TENM2: variants seen among roughly 807,000 people sequenced by gnomAD.
The protein encoded by TENM2 is teneurin transmembrane protein 2, also known as teneurin-2.
Under a neutral mutation model 245.2 loss-of-function variants are expected in TENM2, and 52 were observed. The ratio of observed to expected loss-of-function variants is 0.21; its 90% confidence interval spans 0.17 to 0.27. The LOEUF is 0.27. Among genes scored for constraint, TENM2 ranks in the 10% least tolerant of loss-of-function variants. TENM2 has a pLI of 1.00. For synonymous variants in TENM2, 1,363 were observed against 1,438.9 expected (o/e 0.95, Z 1.19); for missense variants, 3,046 against 3,666.8 (o/e 0.83, Z 4.37).
At chr5:167,243,139 A>C in the TENM2 span, among the ~76,000 whole-genome samples, 1 of 152,172 alleles carries the variant, frequency 6.6e-6, no homozygotes, top group African/African-American at 2.4e-5. Context: ...ATTCTTAAAG[A>C]GAATGAGGCA....
At position 167,924,362 on chromosome 5, in the gene TENM2, A is replaced by G. The variant is rs546905681; in HGVS notation, c.713-28226A>G. On this transcript the variant is annotated intron_variant, in intron 3 of 28. Coordinates refer to ENST00000518659, the Ensembl canonical transcript of TENM2. ...TGCCAGGAACCATTCAGGCGAGTCA[A>G]TAGGATGCCCATTGATGGGCCAAAC... is the stretch of plus-strand genomic sequence containing the variant. 3.3e-5 allele frequency among the ~76,000 whole-genome samples: 5 copies of G among 152,344 alleles called. No individual in the cohort carries two copies. The East Asian group carries it at 5.8e-4, about 18-fold the overall frequency.
chr5:167,339,603 ATT>A (rs144229621), intron 1 of TENM2, among the ~76,000 whole-genome samples: 2 of 145,336 alleles, frequency 1.4e-5, no homozygotes, highest in Admixed American at 6.9e-5. Flanking sequence ...TTTTCAATTC[ATT>A]TTTTTTTTTA....
At chr5:168,120,320 G>T (rs1795382357) in intron 10 of TENM2, among the ~76,000 whole-genome samples, 1 of 152,176 alleles carries the variant, frequency 6.6e-6, no homozygotes, top group African/African-American at 2.4e-5. Context: ...AGGAAATACT[G>T]ATTTAATAAC....
chr5:168,010,376 G>T (rs1047830052), intron 5 of TENM2, among the ~76,000 whole-genome samples: 1 of 152,170 alleles, frequency 6.6e-6, no homozygotes, highest in Non-Finnish European at 1.5e-5. Context: ...AAGTGAACAG[G>T]CTCTTAACCA....
exon 18 of TENM2, chr5:168,203,696 C>T (rs1025495074): frequency 6.2e-6 from 10 of 1,605,874 alleles, no homozygotes; most frequent in Middle Eastern, 1.7e-4. Flanking sequence ...CAGTGTCTGT[C>T]GGGTTTGAAT....
At chr5:167,370,341 C>CAAAAA (rs35067759) in intron 1 of TENM2, among the ~76,000 whole-genome samples, 15 of 73,494 alleles carry the variant, frequency 2.0e-4, no homozygotes, top group South Asian at 4.1e-4. Context: ...GACTCCGTCT[C>CAAAAA]AAAAAAAAAA....
At chr5:167,600,136 C>A (rs552290153) in intron 2 of TENM2, among the ~76,000 whole-genome samples, 2 of 151,974 alleles carry the variant, frequency 1.3e-5, no homozygotes, top group Non-Finnish European at 2.9e-5. Flanking sequence ...CTTCCCAAGG[C>A]TATTTTATTG....
intron 2 of TENM2, among the ~76,000 whole-genome samples, chr5:167,618,266 T>C (rs1777925485): frequency 6.6e-6 from 1 of 152,114 alleles, no homozygotes; most frequent in Non-Finnish European, 1.5e-5. Flanking sequence ...CATAGTTGGC[T>C]TGTGGGTGGG....
At chr5:167,307,276 G>A (rs1404715885) in intron 1 of TENM2, among the ~76,000 whole-genome samples, 3 of 152,144 alleles carry the variant, frequency 2.0e-5, no homozygotes, top group African/African-American at 4.8e-5. Context: ...GGGAAGGCAC[G>A]GGTGAGCGAT....
chr5:167,370,423 A>G (rs1760344417), intron 1 of TENM2, among the ~76,000 whole-genome samples: 1 of 151,474 alleles, frequency 6.6e-6, no homozygotes, highest in African/African-American at 2.4e-5. Context: ...AGAAAAGACA[A>G]TTTAACGTCC....
intron 2 of TENM2, among the ~76,000 whole-genome samples, chr5:167,496,419 T>G (rs889415564): frequency 6.6e-6 from 1 of 152,114 alleles, no homozygotes; most frequent in Non-Finnish European, 1.5e-5. Flanking sequence ...AGACTAAAAC[T>G]CCTCCTGAAC....
intron 2 of TENM2, among the ~76,000 whole-genome samples, chr5:167,436,686 G>C (rs1392039023): frequency 6.6e-6 from 1 of 152,052 alleles, no homozygotes; most frequent in Non-Finnish European, 1.5e-5. Context: ...TCATGGACTG[G>C]GCCCAGGGTT....
At chr5:167,975,596 A>G (rs1289145281) in intron 4 of TENM2, among the ~76,000 whole-genome samples, 1 of 152,202 alleles carries the variant, frequency 6.6e-6, no homozygotes, top group East Asian at 1.9e-4. Context: ...GCAGGCAGAC[A>G]TGTCACAGGG....
chr5:167,459,667 A>G (rs781338348), intron 2 of TENM2, among the ~76,000 whole-genome samples: 48 of 152,120 alleles, frequency 3.2e-4, no homozygotes, highest in Non-Finnish European at 6.5e-4. Flanking sequence ...CCACATACAC[A>G]CCAACACCTG....
chr5:167,562,521 G>T (rs1773657986), intron 2 of TENM2, among the ~76,000 whole-genome samples: 1 of 152,126 alleles, frequency 6.6e-6, no homozygotes, highest in Admixed American at 6.5e-5. Flanking sequence ...GTAAATTATT[G>T]TCCACACACC....
At chr5:168,147,215 G>T (rs1381412177) in intron 12 of TENM2, among the ~76,000 whole-genome samples, 1 of 152,212 alleles carries the variant, frequency 6.6e-6, no homozygotes, top group Non-Finnish European at 1.5e-5. Flanking sequence ...ACTCTGCCAT[G>T]ACTAGATTAA....
At chr5:167,864,877 T>C (rs1772165954) in intron 2 of TENM2, among the ~76,000 whole-genome samples, 2 of 152,192 alleles carry the variant, frequency 1.3e-5, no homozygotes, top group Admixed American at 1.3e-4. Flanking sequence ...GTCTGAGCAA[T>C]TGGCAATATT....
chr5:167,096,053 T>C, the TENM2 span, among the ~76,000 whole-genome samples: 10 of 152,344 alleles, frequency 6.6e-5, no homozygotes, highest in African/African-American at 2.4e-4. Context: ...ATTACAGGCA[T>C]GAGCCACCAC....
intron 13 of TENM2, among the ~76,000 whole-genome samples, chr5:168,180,906 A>AT (rs1303629705): frequency 7.9e-5 from 6 of 76,420 alleles, no homozygotes; most frequent in South Asian, 4.7e-4. Context: ...CCATCTTAAA[A>AT]TTTAAAAAAA....
Sources: gnomAD v4.1 joint callset for allele counts (sites outside exome capture counted in the v4.1 genomes callset) on GRCh38, gnomAD v4.1.1 for gene constraint, MANE v1.5 for transcripts, NCBI Gene and HGNC (gene_info 2026-07-23, HGNC 2026-07-21) for gene names.